Variants in PRKN observed in about 807,000 individuals in gnomAD.
PRKN encodes the protein E3 ubiquitin-protein ligase parkin.
PRKN carries 56 observed loss-of-function variants against 59.5 expected under a neutral mutation model. That is an observed-to-expected ratio of 0.94 (90% CI 0.76 to 1.18). The LOEUF is 1.18. Ranked by LOEUF, PRKN falls within the 50% of genes most tolerant of loss-of-function variation. The pLI is 0.00. For missense variants in PRKN, 657 were observed against 596.4 expected, an observed-to-expected ratio of 1.10 and a Z score of -1.06; for synonymous variants, 250 against 222.1, an observed-to-expected ratio of 1.13 and a Z score of -1.12.
rs1777436051 is a variant in PRKN at position 161,488,813 on chromosome 6, G to A, written c.1083+60041C>T. ...CAAGGAATTTTTGACAGTGAATCTTGACTACTAAGAGACTAGGGGACCATG... is the reference window on the plus strand; with the variant it reads ...CAAGGAATTTTTGACAGTGAATCTTAACTACTAAGAGACTAGGGGACCATG... On this transcript the variant is annotated intron_variant, in intron 9 of 11. Transcript: ENST00000366898. The surrounding 1 kb of genome is among the most constrained non-coding windows in gnomAD (Gnocchi z 4.5). 6.6e-6 allele frequency among the ~76,000 whole-genome samples: 1 copy of A among 152,144 alleles called. No homozygotes were observed. The highest frequency in any genetic ancestry group is 6.6e-5 in the Admixed American group (1 of 15,260).
chr6:161,663,784 C>T (rs1784630923), intron 7 of PRKN, among the ~76,000 whole-genome samples: 1 of 152,212 alleles, frequency 6.6e-6, no homozygotes, highest in South Asian at 2.1e-4. Context: ...TCCCTTGCCT[C>T]CTTCTTTCCT....
At chr6:161,408,203 G>T (rs922413518) in intron 9 of PRKN, among the ~76,000 whole-genome samples, 1 of 151,318 alleles carries the variant, frequency 6.6e-6, no homozygotes, top group Non-Finnish European at 1.5e-5. Context: ...TCATCATTCC[G>T]CAAGATACAC....
intron 1 of PRKN, among the ~76,000 whole-genome samples, chr6:162,574,400 A>G (rs1465831087): frequency 6.6e-6 from 1 of 152,136 alleles, no homozygotes; most frequent in African/African-American, 2.4e-5. Flanking sequence ...ATGCATTTTG[A>G]GGTTATGCTG....
At chr6:161,724,722 C>T (rs1171341313) in intron 7 of PRKN, among the ~76,000 whole-genome samples, 2 of 152,202 alleles carry the variant, frequency 1.3e-5, no homozygotes, top group African/African-American at 2.4e-5. Context: ...GTTATATACC[C>T]GGAGGTCTGG....
intron 7 of PRKN, among the ~76,000 whole-genome samples, chr6:161,646,678 A>G (rs1215457330): frequency 2.0e-5 from 3 of 152,168 alleles, no homozygotes; most frequent in African/African-American, 4.8e-5. Flanking sequence ...GGCTCATTGT[A>G]TGGATGGGTG....
rs1192659451 is a variant in PRKN at position 161,410,746 on chromosome 6, T to G, written c.1084-23869A>C. On this transcript the variant is annotated intron_variant, in intron 9 of 11. Transcript: ENST00000366898. The surrounding 1 kb of genome is among the most constrained non-coding windows in gnomAD (Gnocchi z 5.3). ...GGAGGGGCAACAGTGCCATGGGAAA[T>G]GCATCATTGGTGCTCATGACAACGG... Among the ~76,000 whole-genome samples the G allele has an allele frequency of 6.6e-6, 1 of 152,062 alleles. No homozygotes were observed. The highest frequency in any genetic ancestry group is 1.5e-5 in the Non-Finnish European group (1 of 68,024).
intron 6 of PRKN, among the ~76,000 whole-genome samples, chr6:161,798,381 G>C (rs1443146162): frequency 6.6e-5 from 10 of 152,180 alleles, no homozygotes; most frequent in Admixed American, 6.5e-4. Flanking sequence ...TGCAGCATTA[G>C]CTGGCCTCAG....
At chr6:162,196,622 T>A (rs1784506302) in intron 4 of PRKN, among the ~76,000 whole-genome samples, 1 of 152,198 alleles carries the variant, frequency 6.6e-6, no homozygotes, top group Admixed American at 6.5e-5. Flanking sequence ...AAGAGGATAT[T>A]CTGATATGGA....
chr6:162,533,306 T>G (rs1329600529), intron 1 of PRKN, among the ~76,000 whole-genome samples: 2 of 152,068 alleles, frequency 1.3e-5, no homozygotes, highest in African/African-American at 4.8e-5. Flanking sequence ...GGTGGGTCAG[T>G]TGAGGTCAGG....
intron 1 of PRKN, among the ~76,000 whole-genome samples, chr6:162,646,065 G>A (rs1419707015): frequency 1.3e-5 from 2 of 151,162 alleles, no homozygotes; most frequent in East Asian, 2.0e-4. Context: ...TAGTAGAGAC[G>A]GTTTCACCGT....
intron 1 of PRKN, among the ~76,000 whole-genome samples, chr6:162,660,971 A>G (rs1487005886): frequency 6.6e-6 from 1 of 152,126 alleles, no homozygotes; most frequent in Admixed American, 6.5e-5. Context: ...CTAAGAAAGA[A>G]CAAGGGAGGG....
chr6:161,740,748 A>T (rs1476947772), intron 7 of PRKN, among the ~76,000 whole-genome samples: 1 of 152,238 alleles, frequency 6.6e-6, no homozygotes. Flanking sequence ...AGAGTCTCAC[A>T]TCAAGACCTT....
intron 6 of PRKN, among the ~76,000 whole-genome samples, chr6:161,930,189 T>C (rs1779120813): frequency 6.6e-6 from 1 of 152,222 alleles, no homozygotes; most frequent in African/African-American, 2.4e-5. Flanking sequence ...TGTTTATTTA[T>C]CCATAGATGT....
chr6:161,739,071 G>A (rs1788082850), intron 7 of PRKN, among the ~76,000 whole-genome samples: 1 of 152,108 alleles, frequency 6.6e-6, no homozygotes, highest in South Asian at 2.1e-4. Flanking sequence ...TAACTCATTT[G>A]ACTTCACTGG....
At chr6:161,670,334 G>A (rs987403872) in intron 7 of PRKN, among the ~76,000 whole-genome samples, 7 of 152,126 alleles carry the variant, frequency 4.6e-5, no homozygotes, top group Admixed American at 6.5e-5. Flanking sequence ...GTTCTGGAGC[G>A]GGTGTTGGTG....
intron 1 of PRKN, among the ~76,000 whole-genome samples, chr6:162,447,618 G>T (rs1481194176): frequency 6.6e-6 from 1 of 152,062 alleles, no homozygotes; most frequent in Non-Finnish European, 1.5e-5. Context: ...GTGGGAAGAG[G>T]GGAAAGGGTT....
chr6:162,414,570 G>C (rs972596532), intron 2 of PRKN, among the ~76,000 whole-genome samples: 3 of 151,680 alleles, frequency 2.0e-5, no homozygotes, highest in Non-Finnish European at 4.4e-5. Context: ...AATTAGCCGC[G>C]CATGGTTGGT....
rs575068864 is a variant in PRKN at position 162,380,523 on chromosome 6, A to G, written c.171+62787T>C. ...TATATATGTGTGTATATATATATAT[A>G]TGTATATATACATATATATATGTAT... is the stretch of plus-strand genomic sequence containing the variant. On this transcript the variant is annotated intron_variant, in intron 2 of 11. Transcript: ENST00000366898. 5.8e-3 allele frequency among the ~76,000 whole-genome samples: 789 copies of G among 136,416 alleles called. 6 individuals are homozygous for G. The highest frequency in any genetic ancestry group is 0.015 in the African/African-American group (548 of 36,660). 89.5% of individuals were successfully genotyped at this position (136,416 alleles called of 152,430 possible).
intron 1 of PRKN, among the ~76,000 whole-genome samples, chr6:162,460,935 A>G (rs1454615181): frequency 6.6e-6 from 1 of 152,146 alleles, no homozygotes; most frequent in Non-Finnish European, 1.5e-5. Context: ...AATTACTCAC[A>G]CTGTTCTAAT....
Sources: gnomAD v4.1 joint callset for allele counts (sites outside exome capture counted in the v4.1 genomes callset) on GRCh38, gnomAD v4.1.1 for gene constraint, Gnocchi (gnomAD v3.1) non-coding constraint, MANE v1.5 for transcripts, NCBI Gene and HGNC (gene_info 2026-07-23, HGNC 2026-07-21) for gene names.